Variants in KHNYN observed in about 807,000 individuals in gnomAD.
KHNYN encodes the protein KH and NYN domain containing, also known as protein KHNYN.
A neutral mutation model predicts 62.7 loss-of-function variants in KHNYN; 42 were observed. That is an observed-to-expected ratio of 0.67 (90% confidence interval 0.52 to 0.87). The LOEUF (loss-of-function observed/expected upper bound fraction) is 0.87, where lower values mean the gene tolerates loss of function less well. KHNYN is among the 40% of genes least tolerant of loss of function. The pLI is 0.00. For synonymous variants in KHNYN, 347 were observed against 345.6 expected (o/e 1.00, Z -0.04); for missense variants, 829 against 874.1 (o/e 0.95, Z 0.65).
At position 24,436,305 on chromosome 14, in the gene KHNYN, A is replaced by G. The variant is rs1425055585; in HGVS notation, c.1686-83A>G. The G allele has an allele frequency of 8.4e-6, 12 of 1,428,546 alleles. No individual in the cohort carries two copies. In the South Asian group the frequency reaches 1.3e-4, roughly 15 times the overall value. 88.5% of individuals were successfully genotyped at this position (1,428,546 alleles called of 1,614,324 possible). ...AGTTTTCTTGAAGGATGGAGCCAGC[A>G]GCTTCTGGTGATACTGGTCTCGGTT... is the stretch of plus-strand genomic sequence containing the variant. On this transcript the variant is annotated intron_variant, in intron 6 of 7. Coordinates refer to ENST00000553935, the MANE Select transcript of KHNYN (RefSeq NM_015299.3).
chr14:24,428,034 G>A (rs770670571), upstream of KHNYN: 1 of 1,567,648 alleles, frequency 6.4e-7, no homozygotes, highest in Non-Finnish European at 8.7e-7. Context: ...CCTTAGCTCA[G>A]GACCCCCCAC....
At chr14:24,427,674 G>A, upstream of KHNYN, 1 of 938,738 alleles carries the variant, frequency 1.1e-6, no homozygotes, top group Non-Finnish European at 1.7e-6. The surrounding 1 kb of genome is among the most constrained non-coding windows in gnomAD (Gnocchi z 4.4). Flanking sequence ...CCCATGCAAA[G>A]AGGTGGGATA....
upstream of KHNYN, chr14:24,428,229 C>G (rs1292167930): frequency 6.2e-7 from 1 of 1,600,680 alleles, no homozygotes; most frequent in African/African-American, 1.3e-5. Flanking sequence ...GCTGGGCTCC[C>G]CTTCTTCCCC....
At chr14:24,425,524 A>T (rs1566491900), upstream of KHNYN, among the ~76,000 whole-genome samples, 1 of 152,246 alleles carries the variant, frequency 6.6e-6, no homozygotes, top group Non-Finnish European at 1.5e-5. Context: ...TAAGGATGGT[A>T]GAACAAGACA....
upstream of KHNYN, chr14:24,428,301 G>T: frequency 6.2e-7 from 1 of 1,613,924 alleles, no homozygotes; most frequent in Non-Finnish European, 8.5e-7. Flanking sequence ...CAGTTTGGCG[G>T]TTGTACACCT....
the KHNYN span, among the ~76,000 whole-genome samples, chr14:24,423,808 G>T: frequency 4.6e-5 from 7 of 152,220 alleles, no homozygotes; most frequent in African/African-American, 1.7e-4. Flanking sequence ...CATAGGGAAG[G>T]TGAATAGTTG....
chr14:24,436,662 C>T (rs1384335231), intron 7 of KHNYN, among the ~76,000 whole-genome samples, 173 bp downstream of exon 7: 1 of 152,216 alleles, frequency 6.6e-6, no homozygotes, highest in African/African-American at 2.4e-5. Context: ...TGACATAGAA[C>T]CTCCTTGCTG....
intron 7 of KHNYN, 41 bp downstream of exon 7, chr14:24,436,530 CT>C (rs3216750): frequency 0.064 from 92,318 of 1,439,216 alleles, 6,638 homozygotes; most frequent in African/African-American, 0.35. Context: ...GCCCCCACCC[CT>C]GGCCCTCTCT....
intron 5 of KHNYN, chr14:24,434,382 A>C: frequency 1.0e-6 from 1 of 985,206 alleles, no homozygotes; most frequent in Non-Finnish European, 1.2e-6. Flanking sequence ...TACCATTTGC[A>C]TACCATAAGT....
intron 5 of KHNYN, 78 bp from the exon 6 acceptor site, chr14:24,435,994 C>T: frequency 2.7e-6 from 3 of 1,097,776 alleles, no homozygotes; most frequent in Non-Finnish European, 4.2e-6. Context: ...TTTAATGTAA[C>T]CATGATCCAA....
In KHNYN at chr14:24,431,492, A is replaced by G; in HGVS notation, c.231A>G (p.Glu77=). 6.3e-7 allele frequency: 1 copy of G among 1,592,122 alleles called. No homozygotes were observed. The highest frequency in any genetic ancestry group is 1.1e-5 in the South Asian group (1 of 89,608). The change falls in exon 3 of 8, where the codon GAA becomes GAG. Residue 77 remains glutamate (E), a synonymous_variant. Coordinates refer to ENST00000553935, the MANE Select transcript of KHNYN (RefSeq NM_015299.3). ...KEYLKGLCSP[E]LQDEIHYPPK... The stretch of plus-strand genomic sequence containing the variant: ...ACCTGAAGGGCCTCTGCAGCCCAGA[A>G]CTGCAGGATGAAATCCACTACCCGC...
Position 24,432,809 on chromosome 14 carries a change from C to T in KHNYN, c.1437C>T (p.Val479=), listed in dbSNP as rs746164641. 6.2e-6 allele frequency: 10 copies of T among 1,614,100 alleles called. No homozygotes were observed. In the African/African-American group the frequency reaches 1.3e-4, roughly 22 times the overall value. ...FWDRGHRDIT[V]FVPQWRFSKD... The stretch of plus-strand genomic sequence containing the variant: ...ACCGTGGTCACCGTGACATAACTGT[C>T]TTTGTGCCTCAGTGGCGCTTCAGTA... The change falls in exon 4 of 8, where the codon GTC becomes GTT. Residue 479 remains valine, a synonymous_variant. Coordinates refer to ENST00000553935, the MANE Select transcript of KHNYN (RefSeq NM_015299.3). This position sits in a 1 kb window ranked among gnomAD's most constrained non-coding sequence, Gnocchi z 5.6.
chr14:24,437,287 C>G lies in KHNYN; in HGVS notation c.*2C>G. 1.2e-6 allele frequency: 2 copies of G among 1,607,250 alleles called. No homozygotes were observed. Among genetic ancestry groups the G allele is most frequent in the Non-Finnish European group, 8.5e-7 (1 of 1,174,788 alleles). On this transcript the variant is annotated 3_prime_UTR_variant, in exon 8 of 8. Coordinates refer to ENST00000553935, the MANE Select transcript of KHNYN (RefSeq NM_015299.3). This position sits in a 1 kb window ranked among gnomAD's most constrained non-coding sequence, Gnocchi z 5.5. ...GCCCTGCTCAGTCTTAACTTTTGAG[C>G]CTCACCTGCTTGAGTGGCTGCCGCC...
At position 24,440,024 on chromosome 14, in the gene KHNYN, C is replaced by G; in HGVS notation, c.*2739C>G. 6.9e-7 allele frequency: 1 copy of G among 1,444,894 alleles called. No individual in the cohort carries two copies. The highest frequency in any genetic ancestry group is 1.4e-5 in the South Asian group (1 of 72,298). The allele number at this position is 1,444,894 out of a possible 1,614,324, so 89.5% of individuals were successfully genotyped here. ...GCTCTCTAGAGGAGCTGAGCCTATT[C>G]ACAGTGCCTAACCTGGAAGCCTGTG... On this transcript the variant is annotated 3_prime_UTR_variant, in exon 8 of 8. Transcript: ENST00000553935.
In KHNYN at chr14:24,438,670, CCTTA is replaced by C. The variant is rs1161424754; in HGVS notation, c.*1389_*1392del. On this transcript the variant is annotated 3_prime_UTR_variant, in exon 8 of 8. Coordinates refer to ENST00000553935, the MANE Select transcript of KHNYN (RefSeq NM_015299.3). ...TGTGTAGACGGTATTAATCAGTACT[CCTTA>C]CTTTAGTGCAGCCTAAAGTATGCTT... 4 of 152,002 alleles carry C rather than the reference CCTTA, an allele frequency of 2.6e-5. No individual in the cohort carries two copies. Among genetic ancestry groups the C allele is most frequent in the African/African-American group, 9.7e-5 (4 of 41,348 alleles). The allele number at this position is 152,002 out of a possible 1,614,324, so 9.4% of individuals were successfully genotyped here. A position where few individuals can be genotyped will look rare whatever the true frequency, so the allele number is the denominator to read the frequency against.
rs141725538 is a variant in KHNYN, at chr14:24,430,817, C to T, written c.87C>T (p.Pro29=). ...EAENKVREQQ[P]HVERIFSVGV... is the part of the protein sequence containing the mutation. ...AGAACAAGGTTCGGGAACAGCAGCC[C>T]CATGTGGAGCGCATCTTCAGCGTGG... is the stretch of plus-strand genomic sequence containing the variant. Residue 29 remains proline, a synonymous_variant, in exon 2 of 8, where the codon CCC becomes CCT. Coordinates refer to ENST00000553935, the MANE Select transcript of KHNYN (RefSeq NM_015299.3). 1 of 1,612,462 alleles carries T rather than the reference C, an allele frequency of 6.2e-7. No homozygotes were observed. The highest frequency in any genetic ancestry group is 8.5e-7 in the Non-Finnish European group (1 of 1,179,374).
At chr14:24,425,257 T>C (rs2139364518), upstream of KHNYN, among the ~76,000 whole-genome samples, 1 of 152,300 alleles carries the variant, frequency 6.6e-6, no homozygotes, top group Middle Eastern at 3.4e-3. Context: ...TAATTTCCCC[T>C]TCTTCCTTGT....
At position 24,431,534 on chromosome 14, in the gene KHNYN, C is replaced by A; in HGVS notation, c.273C>A (p.Ile91=). 6.2e-7 allele frequency: 1 copy of A among 1,611,126 alleles called. No individual in the cohort carries two copies. The highest frequency in any genetic ancestry group is 8.5e-7 in the Non-Finnish European group (1 of 1,177,680). ...ACTACCCGCCCAAACTGCACTGCATCTTTCTGGGAGCCCAGGGCTTCTTCC... is the reference window on the plus strand; with the variant it reads ...ACTACCCGCCCAAACTGCACTGCATATTTCTGGGAGCCCAGGGCTTCTTCC... ...EIHYPPKLHC[I]FLGAQGFFLD... Residue 91 remains isoleucine, a synonymous_variant, in exon 3 of 8, where the codon ATC becomes ATA. Transcript: ENST00000553935.
rs1161474490 is a variant in KHNYN at position 24,432,908 on chromosome 14, A to G, written c.1481-28A>G. The G allele has an allele frequency of 2.5e-6, 4 of 1,614,082 alleles. No individual in the cohort carries two copies. The highest frequency in any genetic ancestry group is 1.7e-6 in the Non-Finnish European group (2 of 1,180,022). The stretch of plus-strand genomic sequence containing the variant: ...GATAGGCTCTGTTTCCACTTTGAGG[A>G]GAACCCTATTATGTTCTTTTTCAAT... On this transcript the variant is annotated intron_variant, in intron 4 of 7. Transcript: ENST00000553935. This position sits in a 1 kb window ranked among gnomAD's most constrained non-coding sequence, Gnocchi z 5.6.
Sources: allele counts gnomAD v4.1 joint callset (sites outside exome capture counted in the v4.1 genomes callset), GRCh38; gene constraint gnomAD v4.1.1; non-coding constraint Gnocchi (gnomAD v3.1); transcripts MANE v1.5; gene names NCBI Gene and HGNC (gene_info 2026-07-23, HGNC 2026-07-21).